FARS2: variants seen among roughly 807,000 people sequenced by gnomAD.
FARS2 encodes the protein phenylalanyl-tRNA synthetase 2, mitochondrial.
Under a neutral mutation model 46.4 loss-of-function variants are expected in FARS2, and 40 were observed. The observed-to-expected ratio is 0.86, with a 90% confidence interval of 0.67 to 1.12. The LOEUF is 1.12. FARS2 is among the 50% of genes most tolerant of loss of function. FARS2 has a pLI of 0.00. For synonymous variants in FARS2, 234 were observed against 214.9 expected, an observed-to-expected ratio of 1.09 and a Z score of -0.78; for missense variants, 513 against 567.9, an observed-to-expected ratio of 0.90 and a Z score of 0.98.
At chr6:5,619,667 C>T (rs1457107348) in intron 6 of FARS2, among the ~76,000 whole-genome samples, 1 of 151,798 alleles carries the variant, frequency 6.6e-6, no homozygotes, top group African/African-American at 2.4e-5. Context: ...CCATGTCTGA[C>T]AGAATTCTCA....
At chr6:5,406,899 G>T (rs1761632709) in intron 3 of FARS2, among the ~76,000 whole-genome samples, 1 of 151,638 alleles carries the variant, frequency 6.6e-6, no homozygotes. Context: ...ACACTTGATA[G>T]GGTTAGTCAT....
intron 5 of FARS2, among the ~76,000 whole-genome samples, chr6:5,546,472 A>C (rs3966763): frequency 6.0e-5 from 9 of 151,186 alleles, no homozygotes; most frequent in East Asian, 1.9e-4. Context: ...GGCTGGTCTC[A>C]AACTCCTGAC....
At chr6:5,602,645 CAA>C (rs55712653) in intron 5 of FARS2, among the ~76,000 whole-genome samples, 3 of 72,188 alleles carry the variant, frequency 4.2e-5, no homozygotes, top group Non-Finnish European at 8.2e-5. Flanking sequence ...GACTCCGTCT[CAA>C]AAAAAAAAAA....
At chr6:5,449,352 C>CAAAAA (rs5873985) in intron 4 of FARS2, among the ~76,000 whole-genome samples, 2 of 120,862 alleles carry the variant, frequency 1.7e-5, no homozygotes, top group Non-Finnish European at 3.3e-5. Flanking sequence ...GACTCCATCT[C>CAAAAA]AAAAAAAAAA....
intron 1 of FARS2, among the ~76,000 whole-genome samples, chr6:5,353,725 T>TG (rs1409507068): frequency 8.4e-5 from 7 of 83,172 alleles, no homozygotes; most frequent in Non-Finnish European, 1.2e-4. Context: ...TAATATTTGG[T>TG]GTTTTTTTTT....
intron 5 of FARS2, among the ~76,000 whole-genome samples, chr6:5,562,164 G>T (rs60586837): frequency 0.033 from 5,028 of 151,848 alleles, 154 homozygotes; most frequent in Middle Eastern, 0.068. Context: ...ATAATTTTTC[G>T]ATGTTTCAAA....
intron 1 of FARS2, among the ~76,000 whole-genome samples, chr6:5,361,639 C>T (rs1297483090): frequency 6.6e-6 from 1 of 152,148 alleles, no homozygotes; most frequent in Non-Finnish European, 1.5e-5. Flanking sequence ...TGGAAGTTGG[C>T]CATTTTCCCA....
In FARS2 at chr6:5,613,556, CTT is replaced by C. The variant is rs1775304711; in HGVS notation, c.1217+239_1217+240del. 1.3e-5 allele frequency among the ~76,000 whole-genome samples: 2 copies of C among 152,162 alleles called. 1 individual carries two copies. Among genetic ancestry groups the C allele is most frequent in the East Asian group, 3.8e-4 (2 of 5,198 alleles). On this transcript the variant is annotated intron_variant, in intron 6 of 6. Transcript: ENST00000274680. ...GTAAAGAAAATATATGAAACAGAAT[CTT>C]TTAAAAGTCCTGCAGCTTTTCAGTA...
intron 4 of FARS2, among the ~76,000 whole-genome samples, chr6:5,485,682 A>G (rs1485208302): frequency 6.6e-6 from 1 of 152,036 alleles, no homozygotes; most frequent in Non-Finnish European, 1.5e-5. Flanking sequence ...TGTAAAAAAC[A>G]TTTTTTTGCT....
intron 4 of FARS2, among the ~76,000 whole-genome samples, chr6:5,456,730 C>CAAAAAAAAAAAA (rs11393453): frequency 2.9e-5 from 2 of 69,870 alleles, no homozygotes; most frequent in Non-Finnish European, 5.2e-5. Flanking sequence ...GACTCCATCT[C>CAAAAAAAAAAAA]AAAAAAAAAA....
intron 6 of FARS2, among the ~76,000 whole-genome samples, chr6:5,729,573 C>G (rs1225137139): frequency 6.6e-6 from 1 of 152,174 alleles, no homozygotes; most frequent in Non-Finnish European, 1.5e-5. Context: ...TTGTATTTTT[C>G]TCTTGGAAAA....
chr6:5,683,573 A>G (rs138197400), intron 6 of FARS2, among the ~76,000 whole-genome samples: 31 of 152,154 alleles, frequency 2.0e-4, no homozygotes, highest in Non-Finnish European at 4.0e-4. Flanking sequence ...CTCTGCTACA[A>G]AAGAGCAGTG....
intron 6 of FARS2, among the ~76,000 whole-genome samples, chr6:5,625,319 A>G (rs1345877569): frequency 6.6e-6 from 1 of 152,192 alleles, no homozygotes; most frequent in Non-Finnish European, 1.5e-5. Context: ...AGAGCAAGAA[A>G]CAAGCTGGGC....
intron 4 of FARS2, among the ~76,000 whole-genome samples, chr6:5,538,926 G>A (rs1306096265): frequency 1.3e-5 from 2 of 152,174 alleles, no homozygotes; most frequent in African/African-American, 4.8e-5. Flanking sequence ...GGCAGCTGAA[G>A]TCCAGTTGCT....
At position 5,431,148 on chromosome 6, in the gene FARS2, A is replaced by G. The variant is rs765097510; in HGVS notation, c.880A>G (p.Met294Val). The G allele has an allele frequency of 6.2e-6, 10 of 1,613,778 alleles. No individual in the cohort carries two copies. The South Asian group carries it at 1.1e-4, about 18-fold the overall frequency. The change falls in exon 4 of 7, where the codon ATG becomes GTG. Residue 294 changes from methionine (M) to valine (V), a missense_variant. By Grantham distance (21) the Met-to-Val change is conservative. Coordinates refer to ENST00000274680, the MANE Select transcript of FARS2 (RefSeq NM_006567.5). ...GCTGGAAGTTCTTGGCTGCGGGGTG[A>G]TGGAACAACAACTGGTCAATTCAGG... ...EWLEVLGCGVMEQQLVNSAGA... is the reference protein window; with the variant it reads ...EWLEVLGCGVVEQQLVNSAGA...
At chr6:5,717,927 T>TAGAGAGAGAGAGAGAGAGAGAG (rs1410102835) in intron 6 of FARS2, among the ~76,000 whole-genome samples, 69 of 74,234 alleles carry the variant, frequency 9.3e-4, no homozygotes, top group African/African-American at 4.4e-3. Flanking sequence ...TATATATATA[T>TAGAGAGAGAGAGAGAGAGAGAG]ATATATATAC....
upstream of FARS2, among the ~76,000 whole-genome samples, chr6:5,258,757 T>C (rs1239974447): frequency 6.6e-6 from 1 of 152,250 alleles, no homozygotes; most frequent in Non-Finnish European, 1.5e-5. Flanking sequence ...AGCTTAAAAG[T>C]ATATGCTTAA....
intron 6 of FARS2, among the ~76,000 whole-genome samples, chr6:5,717,164 G>A (rs6918658): frequency 0.39 from 59,560 of 151,896 alleles, 12,292 homozygotes; most frequent in East Asian, 0.79. Flanking sequence ...AAATGTGGGG[G>A]TAGATTAGAG....
At chr6:5,659,351 G>C (rs1388427628) in intron 6 of FARS2, among the ~76,000 whole-genome samples, 1 of 152,168 alleles carries the variant, frequency 6.6e-6, no homozygotes, top group East Asian at 1.9e-4. Context: ...ACTACATTAA[G>C]GGGGATGAGA....
Sources: gnomAD v4.1 joint callset for allele counts (sites outside exome capture counted in the v4.1 genomes callset) on GRCh38, gnomAD v4.1.1 for gene constraint, MANE v1.5 for transcripts, NCBI Gene and HGNC (gene_info 2026-07-23, HGNC 2026-07-21) for gene names.